The following ABCA8 variants were observed in gnomAD, a reference collection of about 807,000 sequenced individuals.
ABCA8 encodes ABC-type organic anion transporter ABCA8.
Under a neutral mutation model 192.3 loss-of-function variants are expected in ABCA8, and 177 were observed. The observed-to-expected ratio is 0.92, with a 90% CI of 0.81 to 1.04. The LOEUF is 1.04. Among genes scored for constraint, ABCA8 ranks in the 50% least tolerant of loss-of-function variants. ABCA8 has a pLI of 0.00. For synonymous variants in ABCA8, 642 were observed against 690.2 expected (o/e 0.93, Z 1.09); for missense variants, 1,915 against 1,904.8 (o/e 1.01, Z -0.10).
rs2067921683 is a variant in ABCA8, at chr17:68,932,390, G to GA, written c.694dup (p.Ser232PhefsTer12). 1 of 1,613,770 alleles carries GA rather than the reference G, an allele frequency of 6.2e-7. No homozygotes were observed. The highest frequency in any genetic ancestry group is 8.5e-7 in the Non-Finnish European group (1 of 1,179,810). ...TGCATAGTAAATGAATGAGGAAAAT[G>GA]AAATAATGCAGGAAAAAAGGTACAA... On this transcript the variant is annotated frameshift_variant, in exon 7 of 40. Transcript: ENST00000586539. LOFTEE classifies it high-confidence loss of function.
In ABCA8 at chr17:68,941,939, C is replaced by G; in HGVS notation, c.96G>C (p.Met32Ile). The G allele has an allele frequency of 6.3e-7, 1 of 1,595,386 alleles. No homozygotes were observed. The highest frequency in any genetic ancestry group is 1.1e-5 in the South Asian group (1 of 89,892). Residue 32 changes from methionine (M) to isoleucine (I), a missense_variant and splice_region_variant, in exon 3 of 40, where the codon ATG (methionine) becomes ATC (isoleucine). Met to Ile is a conservative substitution (Grantham distance 10). Transcript: ENST00000586539. ...KKWRMKRESL[M>I]EWLNSLLLLL... ...GAATAACACGGATATTGAGTCATAC[C>G]ATTAAGGACTCTCTTTTCATTCTCC...
intron 4 of ABCA8, 94 bp from the exon 5 acceptor site, chr17:68,937,209 T>A: frequency 9.1e-7 from 1 of 1,095,534 alleles, no homozygotes; most frequent in Non-Finnish European, 1.3e-6. Flanking sequence ...GAGTTTTCTA[T>A]GGAAATAAAA....
rs2143680739 is a variant in ABCA8, at chr17:68,928,936, C to T, written c.1125+113G>A. 5.5e-6 allele frequency: 5 copies of T among 909,506 alleles called. No individual in the cohort carries two copies. The East Asian group carries it at 9.4e-5, about 17-fold the overall frequency. 56.3% of individuals were successfully genotyped at this position (909,506 alleles called of 1,614,324 possible). ...GTCTTTGCAACTTTACAACAGCCTT[C>T]GCTAGAATTTTAAGCCTTACAATGC... On this transcript the variant is annotated intron_variant, in intron 9 of 39. Coordinates refer to ENST00000586539, the MANE Select transcript of ABCA8 (RefSeq NM_001288985.2).
chr17:68,901,276 T>C (rs904321023), intron 21 of ABCA8, among the ~76,000 whole-genome samples: 1 of 82,696 alleles, frequency 1.2e-5, no homozygotes, highest in African/African-American at 3.6e-5. Flanking sequence ...ATTTTTATCA[T>C]AACACTTAGA....
At chr17:68,947,089 G>C (rs1278440259) in intron 2 of ABCA8, among the ~76,000 whole-genome samples, 2 of 152,082 alleles carry the variant, frequency 1.3e-5, no homozygotes, top group Non-Finnish European at 1.5e-5. Flanking sequence ...ATGCATATTG[G>C]AAACATTTTG....
At chr17:68,934,636 G>A (rs1567876353) in intron 5 of ABCA8, among the ~76,000 whole-genome samples, 1 of 152,172 alleles carries the variant, frequency 6.6e-6, no homozygotes, top group African/African-American at 2.4e-5. Context: ...GGAAGAAGAG[G>A]AGAATAGGCT....
chr17:68,940,105 G>T (rs2068183710), intron 4 of ABCA8, among the ~76,000 whole-genome samples: 1 of 152,010 alleles, frequency 6.6e-6, no homozygotes, highest in African/African-American at 2.4e-5. Flanking sequence ...GAGCATTGTT[G>T]TAAAAATGAT....
chr17:68,929,772 T>C, intron 7 of ABCA8, 70 bp from the exon 8 acceptor site: 2 of 1,350,688 alleles, frequency 1.5e-6, no homozygotes, highest in Non-Finnish European at 1.0e-6. Context: ...AAATGGATTC[T>C]AAGATAACTC....
chr17:68,878,978 C>T (rs986980542), intron 32 of ABCA8: 7 of 152,212 alleles, frequency 4.6e-5, no homozygotes, highest in Non-Finnish European at 1.0e-4. Context: ...CTGTACTTCC[C>T]TTGGACATTC....
At chr17:68,889,033 G>A (rs535241829) in intron 24 of ABCA8, among the ~76,000 whole-genome samples, 6 of 152,318 alleles carry the variant, frequency 3.9e-5, no homozygotes, top group East Asian at 1.9e-4. Context: ...TGTTTCCTGC[G>A]GAGGAAGTTT....
intron 36 of ABCA8, 106 bp downstream of exon 36, chr17:68,875,508 C>A: frequency 6.3e-7 from 1 of 1,590,752 alleles, no homozygotes; most frequent in South Asian, 1.2e-5. Context: ...ATTGTTAGAC[C>A]TGGGCACAGT....
At position 68,953,410 on chromosome 17, in the gene ABCA8, G is replaced by A. The variant is rs144428258; in HGVS notation, c.-167+1809C>T. Reference sequence around the variant, plus strand: ...CAACTGAAGCCATCATCTCATTTATGGGACAGGATCACACACAGGGTGGTG... The same window carrying A: ...CAACTGAAGCCATCATCTCATTTATAGGACAGGATCACACACAGGGTGGTG... On this transcript the variant is annotated intron_variant, in intron 1 of 39. Coordinates refer to ENST00000586539, the MANE Select transcript of ABCA8 (RefSeq NM_001288985.2). Among the ~76,000 whole-genome samples the A allele has an allele frequency of 2.4e-3, 371 of 152,296 alleles. 1 individual carries two copies. Among genetic ancestry groups the A allele is most frequent in the African/African-American group, 8.6e-3 (358 of 41,576 alleles).
chr17:68,882,163 A>C (rs1405497651), intron 30 of ABCA8, among the ~76,000 whole-genome samples, 183 bp from the exon 31 acceptor site: 1 of 151,940 alleles, frequency 6.6e-6, no homozygotes, highest in Admixed American at 6.6e-5. Flanking sequence ...GAGAGGAGAG[A>C]CTCATTTTCC....
chr17:68,885,062 A>G, intron 27 of ABCA8, 134 bp downstream of exon 27: 2 of 1,191,678 alleles, frequency 1.7e-6, no homozygotes, highest in South Asian at 1.8e-5. Context: ...GAGAAAATCA[A>G]TTGGATTCCG....
At chr17:68,872,483 C>T (rs1386654156) in intron 37 of ABCA8, among the ~76,000 whole-genome samples, 20 of 148,472 alleles carry the variant, frequency 1.3e-4, no homozygotes, top group South Asian at 8.5e-4. Context: ...TGCTAGATGA[C>T]GAGTTAGTGG....
Position 68,883,786 on chromosome 17 carries a change from C to T in ABCA8, c.3707+5G>A, listed in dbSNP as rs34931250. On this transcript the variant is annotated splice_donor_5th_base_variant and intron_variant, in intron 29 of 39. Coordinates refer to ENST00000586539, the MANE Select transcript of ABCA8 (RefSeq NM_001288985.2). ...AAAATAAAAATCTGATGTGTTTTTT[C>T]CAACCTAAAGAAAGGATCCTTTCTC... 74,440 of 1,543,454 alleles carry T rather than the reference C, an allele frequency of 0.048. 2,211 individuals are homozygous for T. The highest frequency in any genetic ancestry group is 0.057 in the Non-Finnish European group (64,840 of 1,138,820).
In ABCA8 at chr17:68,887,468, G is replaced by A. The variant is rs761652738; in HGVS notation, c.3183C>T (p.Ser1061=). 6.2e-7 allele frequency: 1 copy of A among 1,612,806 alleles called. No homozygotes were observed. The highest frequency in any genetic ancestry group is 1.3e-5 in the African/African-American group (1 of 74,988). Residue 1061 remains serine, a synonymous_variant, in exon 25 of 40, where the codon TCC becomes TCT. Coordinates refer to ENST00000586539, the MANE Select transcript of ABCA8 (RefSeq NM_001288985.2). ...CCTGCCCAAACCAGTAAGCAGAAGG[G>A]GAGAGTCCGGAAATCCGTAGCTGGG... ...ARSQLRISGL[S]PSAYWFGQAL...
Position 68,877,636 on chromosome 17 carries a change from A to G in ABCA8, c.4082T>C (p.Leu1361Pro), listed in dbSNP as rs2066241335. The change falls in exon 33 of 40, where the codon CTG becomes CCG. Residue 1361 changes from leucine to proline, a missense_variant. Transcript: ENST00000586539. Reference protein sequence around the residue: ...GSGGGDALEFLGYCPQENALW... With the variant: ...GSGGGDALEFPGYCPQENALW... ...CGCGTTCTCCTGAGGGCAGTACCCC[A>G]GGAACTCCAGGGCATCCCCTCCACC... 1.2e-6 allele frequency: 2 copies of G among 1,613,896 alleles called. No individual in the cohort carries two copies. The highest frequency in any genetic ancestry group is 1.7e-6 in the Non-Finnish European group (2 of 1,179,850).
At chr17:68,941,663 G>A (rs1372534920) in intron 3 of ABCA8, among the ~76,000 whole-genome samples, 1 of 152,100 alleles carries the variant, frequency 6.6e-6, no homozygotes, top group Non-Finnish European at 1.5e-5. Context: ...GGGGACACTA[G>A]TAACAAATGT....
Sources: gnomAD v4.1 joint callset for allele counts (sites outside exome capture counted in the v4.1 genomes callset) on GRCh38, gnomAD v4.1.1 for gene constraint, MANE v1.5 for transcripts, NCBI Gene and HGNC (gene_info 2026-07-23, HGNC 2026-07-21) for gene names.